MORF4L1: variants seen among roughly 807,000 people sequenced by gnomAD.
MORF4L1 encodes mortality factor 4 like 1, also known as mortality factor 4-like protein 1.
A neutral mutation model predicts 52.9 loss-of-function variants in MORF4L1; 4 were observed. That is an observed-to-expected ratio of 0.08 (90% CI 0.04 to 0.17). The LOEUF is 0.17. Ranked by LOEUF, MORF4L1 falls within the 10% of genes least tolerant of loss-of-function variation. The probability of loss-of-function intolerance (pLI) is 1.00; values close to 1 mark genes in which losing one functional copy is unlikely to be tolerated. For missense variants in MORF4L1, 214 were observed against 390.4 expected (o/e 0.55, Z 3.81); for synonymous variants, 123 against 134.8 (o/e 0.91, Z 0.61).
At chr15:78,886,925 A>C (rs78835196) in intron 4 of MORF4L1, among the ~76,000 whole-genome samples, 6,919 of 150,170 alleles carry the variant, frequency 0.046, 624 homozygotes, top group East Asian at 0.37. Context: ...ACTGCAGTGT[A>C]GCCTGGGCAG....
intron 1 of MORF4L1, among the ~76,000 whole-genome samples, chr15:78,873,398 G>A (rs566429048): frequency 6.6e-6 from 1 of 152,164 alleles, no homozygotes; most frequent in South Asian, 2.1e-4. Flanking sequence ...GCGGCGGTTA[G>A]GGGAAGTGAT....
intron 10 of MORF4L1, chr15:78,894,615 G>T (rs570437706): frequency 1.2e-5 from 6 of 518,604 alleles, no homozygotes; most frequent in Admixed American, 3.3e-5. Context: ...CACCACGTTC[G>T]CCAGGGTGGT....
intron 2 of MORF4L1, among the ~76,000 whole-genome samples, chr15:78,879,095 A>G (rs2056550608): frequency 6.6e-6 from 1 of 152,096 alleles, no homozygotes; most frequent in African/African-American, 2.4e-5. Flanking sequence ...AAAGAGCCAA[A>G]CGCGGTGGCA....
chr15:78,882,927 G>A (rs569492051), intron 3 of MORF4L1, among the ~76,000 whole-genome samples: 3 of 152,214 alleles, frequency 2.0e-5, no homozygotes, highest in African/African-American at 4.8e-5. Context: ...TTAAAAAAGT[G>A]TTTGAGGCTG....
At chr15:78,877,362 C>T (rs1486338318) in intron 1 of MORF4L1, among the ~76,000 whole-genome samples, 1 of 152,166 alleles carries the variant, frequency 6.6e-6, no homozygotes, top group East Asian at 1.9e-4. Context: ...TCAGGTGATC[C>T]AGCCACCTCG....
intron 5 of MORF4L1, among the ~76,000 whole-genome samples, chr15:78,889,860 T>G (rs1567313521): frequency 6.6e-6 from 1 of 152,212 alleles, no homozygotes; most frequent in Non-Finnish European, 1.5e-5. Context: ...ATAGTATCTT[T>G]CCATCGAAAG....
At chr15:78,896,709 A>G (rs2056896717) in intron 11 of MORF4L1, among the ~76,000 whole-genome samples, 1 of 152,166 alleles carries the variant, frequency 6.6e-6, no homozygotes, top group Non-Finnish European at 1.5e-5. Context: ...CAAGCTCCCA[A>G]GTTGGTATTC....
At chr15:78,889,517 T>C (rs911935800) in intron 5 of MORF4L1, among the ~76,000 whole-genome samples, 2 of 152,186 alleles carry the variant, frequency 1.3e-5, no homozygotes, top group Non-Finnish European at 2.9e-5. Flanking sequence ...TCTTTTACTT[T>C]AGAGTTGAGA....
At position 78,896,880 on chromosome 15, in the gene MORF4L1, T is replaced by A. The variant is rs139202709; in HGVS notation, c.888-103T>A. The A allele has an allele frequency of 3.2e-3, 2,553 of 808,624 alleles. 45 individuals are homozygous for A. The East Asian group carries it at 0.056, about 18-fold the overall frequency. 50.1% of individuals were successfully genotyped at this position (808,624 alleles called of 1,614,324 possible). A position where few individuals can be genotyped will look rare whatever the true frequency, so the allele number is the denominator to read the frequency against. On this transcript the variant is annotated intron_variant, in intron 11 of 11. Coordinates refer to ENST00000426013, the MANE Select transcript of MORF4L1 (RefSeq NM_006791.4). ...GAGAGAATGTCTGGTTTAATGTATT[T>A]TAGGAAAGTGTTTTCTGTGGCTTAT...
At position 78,886,954 on chromosome 15, in the gene MORF4L1, C is replaced by CA. The variant is rs61343587; in HGVS notation, c.243-298dup. On this transcript the variant is annotated intron_variant, in intron 4 of 11. Coordinates refer to ENST00000426013, the MANE Select transcript of MORF4L1 (RefSeq NM_006791.4). ...TGGGCAGCACAGTGAAACTCTGTCT[C>CA]AAAAAAAAAAAAAAAAAGAATTAAA... is the stretch of plus-strand genomic sequence containing the variant. Among the ~76,000 whole-genome samples the CA allele has an allele frequency of 2.6e-3, 314 of 118,992 alleles. 1 individual carries two copies. Among genetic ancestry groups the CA allele is most frequent in the African/African-American group, 8.3e-3 (257 of 30,816 alleles). 78.1% of individuals were successfully genotyped at this position (118,992 alleles called of 152,430 possible).
Position 78,878,268 on chromosome 15 carries a change from CTTG to C in MORF4L1, c.87+12_87+14del. 6.2e-7 allele frequency: 1 copy of C among 1,610,120 alleles called. No homozygotes were observed. The highest frequency in any genetic ancestry group is 8.5e-7 in the Non-Finnish European group (1 of 1,179,022). ...TTCTTTATGAAGCAAAGGTATGAAA[CTTG>C]TTTTCTTTTGAGAAGTTGGCCAAAA... On this transcript the variant is annotated intron_variant, in intron 2 of 11. Transcript: ENST00000426013.
At position 78,886,125 on chromosome 15, in the gene MORF4L1, C is replaced by T; in HGVS notation, c.156-16C>T. On this transcript the variant is annotated splice_polypyrimidine_tract_variant and intron_variant, in intron 3 of 11. Transcript: ENST00000426013. The stretch of plus-strand genomic sequence containing the variant: ...AGAGTATTTTTGAGTTAAATTTTAA[C>T]TTTCCTCTTTTTCAGTTGGGATGAA... The T allele has an allele frequency of 6.2e-7, 1 of 1,602,976 alleles. No homozygotes were observed. Among genetic ancestry groups the T allele is most frequent in the Non-Finnish European group, 8.5e-7 (1 of 1,169,932 alleles).
intron 2 of MORF4L1, among the ~76,000 whole-genome samples, chr15:78,879,870 A>G (rs1227566098): frequency 7.9e-5 from 12 of 152,020 alleles, no homozygotes; most frequent in Non-Finnish European, 1.5e-4. Flanking sequence ...AAACTGGCTG[A>G]TTTTTCTCCT....
At chr15:78,891,228 T>G in intron 6 of MORF4L1, 1 of 688,848 alleles carries the variant, frequency 1.5e-6, no homozygotes, top group South Asian at 1.7e-5. Flanking sequence ...TGCTTTAGTC[T>G]TAATGTCTCC....
In MORF4L1 at chr15:78,893,633, A is replaced by G. The variant is rs747879737; in HGVS notation, c.629+6A>G. The G allele has an allele frequency of 6.5e-7, 1 of 1,540,466 alleles. No homozygotes were observed. The highest frequency in any genetic ancestry group is 8.9e-7 in the Non-Finnish European group (1 of 1,124,368). On this transcript the variant is annotated splice_donor_region_variant and intron_variant, in intron 9 of 11. Transcript: ENST00000426013. ...CGTGGAAACACAGATAATAAGTAAG[A>G]ATATACATTTTTCAGATGACACTCA...
In MORF4L1 at chr15:78,897,141, G is replaced by A. The variant is rs1045378620; in HGVS notation, c.*74G>A. 2.5e-6 allele frequency: 3 copies of A among 1,200,434 alleles called. No homozygotes were observed. Among genetic ancestry groups the A allele is most frequent in the South Asian group, 1.3e-5 (1 of 79,304 alleles). 74.4% of individuals were successfully genotyped at this position (1,200,434 alleles called of 1,614,324 possible). A position where few individuals can be genotyped will look rare whatever the true frequency, so the allele number is the denominator to read the frequency against. On this transcript the variant is annotated 3_prime_UTR_variant, in exon 12 of 12. Transcript: ENST00000426013. Reference sequence around the variant, plus strand: ...TTCTTAGTCTATCTCTTGTACAAACGATGTGCTTTGAAGATGTTAGTGTAT... The same window carrying A: ...TTCTTAGTCTATCTCTTGTACAAACAATGTGCTTTGAAGATGTTAGTGTAT...
intron 2 of MORF4L1, among the ~76,000 whole-genome samples, chr15:78,879,318 T>G (rs1165330809): frequency 6.6e-6 from 1 of 151,038 alleles, no homozygotes; most frequent in Non-Finnish European, 1.5e-5. Flanking sequence ...CCCTCCCGGG[T>G]TGAAGCAATT....
In MORF4L1 at chr15:78,881,189, C is replaced by CTTTTTTTTTTTTTTTTTTT. The variant is rs570514618; in HGVS notation, c.155+611_155+629dup. Among the ~76,000 whole-genome samples, 10 of 67,182 alleles carry CTTTTTTTTTTTTTTTTTTT rather than the reference C, an allele frequency of 1.5e-4. 2 individuals carry two copies. The highest frequency in any genetic ancestry group is 5.8e-4 in the East Asian group (1 of 1,724). 44.1% of individuals were successfully genotyped at this position (67,182 alleles called of 152,430 possible). On this transcript the variant is annotated intron_variant, in intron 3 of 11. Coordinates refer to ENST00000426013, the MANE Select transcript of MORF4L1 (RefSeq NM_006791.4). ...AATTTCTCACCCCTAAGAGTTAAGC[C>CTTTTTTTTTTTTTTTTTTT]TTTTTTTTTTTTTTTTTTTGAGAGA...
intron 5 of MORF4L1, among the ~76,000 whole-genome samples, chr15:78,888,648 G>A (rs928916157): frequency 4.6e-5 from 7 of 152,148 alleles, no homozygotes; most frequent in African/African-American, 1.7e-4. Context: ...GGCTGAGGTG[G>A]GAGGGATTGC....
Sources: allele counts gnomAD v4.1 joint callset (sites outside exome capture counted in the v4.1 genomes callset), GRCh38; gene constraint gnomAD v4.1.1; transcripts MANE v1.5; gene names NCBI Gene and HGNC (gene_info 2026-07-23, HGNC 2026-07-21).